Variants in SULT2B1 observed in about 807,000 individuals in gnomAD.
SULT2B1 encodes sulfotransferase 2B1.
A neutral mutation model predicts 33.2 loss-of-function variants in SULT2B1; 16 were observed. That is an observed-to-expected ratio of 0.48 (90% CI 0.33 to 0.73). The LOEUF (loss-of-function observed/expected upper bound fraction) is 0.73, where lower values mean the gene tolerates loss of function less well. Ranked by LOEUF, SULT2B1 falls within the 30% of genes least tolerant of loss-of-function variation. The pLI, the probability that SULT2B1 is intolerant of heterozygous loss-of-function variation, is 0.02. For synonymous variants in SULT2B1, 186 were observed against 200.5 expected (o/e 0.93, Z 0.61); for missense variants, 500 against 506.0 (o/e 0.99, Z 0.11).
chr19:48,572,309 C>G (rs541452781), intron 1 of SULT2B1, among the ~76,000 whole-genome samples: 1 of 151,838 alleles, frequency 6.6e-6, no homozygotes, highest in Non-Finnish European at 1.5e-5. Flanking sequence ...GGTCAGGAGA[C>G]CGAGACCATC....
chr19:48,553,612 C>A (rs1398664386), intron 1 of SULT2B1, among the ~76,000 whole-genome samples: 1 of 152,150 alleles, frequency 6.6e-6, no homozygotes, highest in Admixed American at 6.5e-5. Context: ...CACGCCTGGC[C>A]GCCTCATTTC....
At chr19:48,553,760 TGTCTC>T (rs1026001147) in intron 1 of SULT2B1, among the ~76,000 whole-genome samples, 24 of 152,322 alleles carry the variant, frequency 1.6e-4, no homozygotes, top group African/African-American at 5.1e-4. Flanking sequence ...AGCTTCCTGA[TGTCTC>T]TGGGCCTCCT....
intron 2 of SULT2B1, among the ~76,000 whole-genome samples, chr19:48,583,054 G>C (rs1488425395): frequency 1.3e-5 from 2 of 148,408 alleles, no homozygotes; most frequent in Non-Finnish European, 3.0e-5. Flanking sequence ...GGGAGGCTGA[G>C]GCAGGAGAAT....
At position 48,564,484 on chromosome 19, in the gene SULT2B1, CAA is replaced by C. The variant is rs1255015829; in HGVS notation, c.72-11456_72-11455del. On this transcript the variant is annotated intron_variant, in intron 1 of 6. Coordinates refer to ENST00000201586, the MANE Select transcript of SULT2B1 (RefSeq NM_177973.2). The stretch of plus-strand genomic sequence containing the variant: ...AGGAGAATCGCTTGAACCCAGGAGG[CAA>C]GGTTGCAGTGAGCCGAGATCACACC... Among the ~76,000 whole-genome samples, 10 of 122,968 alleles carry C rather than the reference CAA, an allele frequency of 8.1e-5. 1 individual carries two copies. The highest frequency in any genetic ancestry group is 1.6e-4 in the Non-Finnish European group (10 of 62,980). The allele number at this position is 122,968 out of a possible 152,430, so 80.7% of individuals were successfully genotyped here. A position where few individuals can be genotyped will look rare whatever the true frequency, so the allele number is the denominator to read the frequency against.
In SULT2B1 at chr19:48,552,710, C is replaced by A. The variant is rs1258288226; in HGVS notation, c.71+387C>A. On this transcript the variant is annotated intron_variant, in intron 1 of 6. Transcript: ENST00000201586. The surrounding 1 kb of genome is among the most constrained non-coding windows in gnomAD (Gnocchi z 4.8). ...CCTGTAGTACCCAGGACACCCCATG[C>A]AAGCCCTGAAATAACGGGGGTGCTT... Among the ~76,000 whole-genome samples the A allele has an allele frequency of 6.6e-6, 1 of 152,152 alleles. No individual in the cohort carries two copies. The highest frequency in any genetic ancestry group is 1.5e-5 in the Non-Finnish European group (1 of 68,012).
chr19:48,570,179 CTT>C (rs149283040), intron 1 of SULT2B1, among the ~76,000 whole-genome samples: 2,154 of 145,664 alleles, frequency 0.015, no homozygotes, highest in African/African-American at 0.049. Context: ...CCGGTTTGTT[CTT>C]TTTTTTTTTT....
At chr19:48,554,991 G>A (rs984178746) in intron 1 of SULT2B1, among the ~76,000 whole-genome samples, 2 of 152,184 alleles carry the variant, frequency 1.3e-5, no homozygotes, top group African/African-American at 4.8e-5. Flanking sequence ...CGAGATCCAG[G>A]AGGTAGACTC....
intron 5 of SULT2B1, among the ~76,000 whole-genome samples, chr19:48,593,195 C>G (rs764107620): frequency 6.6e-6 from 1 of 152,060 alleles, no homozygotes; most frequent in Non-Finnish European, 1.5e-5. Flanking sequence ...GTCAAGGCCA[C>G]AATGAGCTAT....
chr19:48,575,727 C>T (rs1973396380), intron 1 of SULT2B1: 8 of 742,658 alleles, frequency 1.1e-5, no homozygotes, highest in Non-Finnish European at 1.6e-5. Flanking sequence ...GTGATCCACC[C>T]ACCTCTGTCT....
intron 1 of SULT2B1, among the ~76,000 whole-genome samples, chr19:48,558,716 C>G (rs896206158): frequency 2.4e-5 from 3 of 124,042 alleles, no homozygotes; most frequent in African/African-American, 1.0e-4. Context: ...CAGAGTTTCA[C>G]TCTGGTTGCC....
At chr19:48,566,564 A>G (rs1973245309) in intron 1 of SULT2B1, among the ~76,000 whole-genome samples, 1 of 152,150 alleles carries the variant, frequency 6.6e-6, no homozygotes, top group South Asian at 2.1e-4. Flanking sequence ...GGGATGTGCC[A>G]GGCGTGGTGG....
intron 2 of SULT2B1, among the ~76,000 whole-genome samples, chr19:48,580,028 A>G (rs1973465550): frequency 1.3e-5 from 2 of 151,460 alleles, no homozygotes; most frequent in Non-Finnish European, 2.9e-5. Context: ...GGCTCAAGCT[A>G]TCCTCCCACC....
Position 48,560,906 on chromosome 19 carries a change from G to A in SULT2B1, c.71+8583G>A, listed in dbSNP as rs558916855. Among the ~76,000 whole-genome samples the A allele has an allele frequency of 1.6e-3, 241 of 152,116 alleles. 1 individual carries two copies. Among genetic ancestry groups the A allele is most frequent in the African/African-American group, 5.7e-3 (235 of 41,470 alleles). On this transcript the variant is annotated intron_variant, in intron 1 of 6. Coordinates refer to ENST00000201586, the MANE Select transcript of SULT2B1 (RefSeq NM_177973.2). ...GAACCCGGGAGGCAGAGGCTGCAGT[G>A]AGCTAAGATCCTGCCATTGCACTCC...
chr19:48,588,994 C>G (rs144864900), intron 3 of SULT2B1, among the ~76,000 whole-genome samples: 86 of 152,264 alleles, frequency 5.6e-4, no homozygotes, highest in African/African-American at 2.0e-3. Context: ...GAGCTCTGAC[C>G]GAGTGACGAG....
intron 2 of SULT2B1, among the ~76,000 whole-genome samples, chr19:48,576,394 G>A (rs8104499): frequency 0.54 from 52,449 of 97,974 alleles, 12,414 homozygotes; most frequent in South Asian, 0.61. Context: ...ATGGGGTCTC[G>A]CTACATTGCC....
At chr19:48,596,575 G>T (rs1307887861) in intron 5 of SULT2B1, 164 bp from the exon 6 acceptor site, 2 of 708,126 alleles carry the variant, frequency 2.8e-6, no homozygotes. Context: ...ACCCTTAGAG[G>T]CGATATAGCC....
intron 1 of SULT2B1, among the ~76,000 whole-genome samples, chr19:48,561,935 C>CA (rs1973187985): frequency 6.6e-6 from 1 of 150,988 alleles, no homozygotes; most frequent in African/African-American, 2.4e-5. Flanking sequence ...GTCAACATGG[C>CA]AAAAACCCCA....
intron 1 of SULT2B1, among the ~76,000 whole-genome samples, chr19:48,557,265 C>T (rs1014991381): frequency 6.6e-6 from 1 of 151,992 alleles, no homozygotes; most frequent in Non-Finnish European, 1.5e-5. Flanking sequence ...TGAGATCGGG[C>T]TCTGTGGCTC....
At chr19:48,579,763 C>T (rs1266428018) in intron 2 of SULT2B1, among the ~76,000 whole-genome samples, 8 of 151,632 alleles carry the variant, frequency 5.3e-5, no homozygotes, top group East Asian at 1.9e-4. Flanking sequence ...CCTGCCACCA[C>T]GCCCAGCTAA....
Sources: allele counts gnomAD v4.1 joint callset (sites outside exome capture counted in the v4.1 genomes callset), GRCh38; gene constraint gnomAD v4.1.1; non-coding constraint Gnocchi (gnomAD v3.1); transcripts MANE v1.5; gene names NCBI Gene and HGNC (gene_info 2026-07-23, HGNC 2026-07-21).